MEIS1: variants seen among roughly 807,000 people sequenced by gnomAD.
MEIS1 encodes homeobox protein Meis1.
MEIS1 carries 5 observed loss-of-function variants against 50.8 expected under a neutral mutation model. The observed-to-expected ratio is 0.10, with a 90% CI of 0.05 to 0.21. The LOEUF is 0.21. Ranked by LOEUF, MEIS1 falls within the 10% of genes least tolerant of loss-of-function variation. The pLI, the probability that MEIS1 is intolerant of heterozygous loss-of-function variation, is 1.00. For synonymous variants in MEIS1, 176 were observed against 179.3 expected (o/e 0.98, Z 0.15); for missense variants, 318 against 517.3 (o/e 0.61, Z 3.74).
chr2:66,482,091 A>C (rs1348814332), intron 7 of MEIS1, among the ~76,000 whole-genome samples: 1 of 151,762 alleles, frequency 6.6e-6, no homozygotes, highest in Non-Finnish European at 1.5e-5. Flanking sequence ...CAATCTCTTG[A>C]CCTTGTGATC....
chr2:66,507,793 G>A (rs182388531), intron 7 of MEIS1, among the ~76,000 whole-genome samples: 66 of 152,304 alleles, frequency 4.3e-4, no homozygotes, highest in African/African-American at 1.6e-3. Context: ...TGAAAGGCAC[G>A]AGATAGCACA....
intron 6 of MEIS1, among the ~76,000 whole-genome samples, chr2:66,463,131 C>A (rs1235693526): frequency 2.0e-5 from 3 of 151,768 alleles, no homozygotes; most frequent in Non-Finnish European, 4.4e-5. Flanking sequence ...GAAGGGTCAG[C>A]AAACTCTACT....
At chr2:66,543,406 T>C (rs953089632) in intron 8 of MEIS1, among the ~76,000 whole-genome samples, 3 of 152,210 alleles carry the variant, frequency 2.0e-5, no homozygotes, top group African/African-American at 7.2e-5. Flanking sequence ...GTGTTGACGA[T>C]TGAAATAAGG....
chr2:66,554,413 G>C (rs887015538), intron 9 of MEIS1, among the ~76,000 whole-genome samples: 2 of 152,330 alleles, frequency 1.3e-5, no homozygotes, highest in African/African-American at 4.8e-5. Context: ...TCCCTGGAGA[G>C]GGCATAGGGA....
intron 8 of MEIS1, among the ~76,000 whole-genome samples, chr2:66,529,187 G>T (rs1403420825): frequency 3.3e-5 from 5 of 152,166 alleles, no homozygotes; most frequent in African/African-American, 1.2e-4. Context: ...GATAGGGAGT[G>T]CTTATCATAG....
At chr2:66,525,071 G>A (rs1315970537) in intron 8 of MEIS1, among the ~76,000 whole-genome samples, 1 of 151,982 alleles carries the variant, frequency 6.6e-6, no homozygotes, top group African/African-American at 2.4e-5. Context: ...AACTTAGCCT[G>A]GTGTGGCGGG....
At chr2:66,513,535 A>C (rs1673884148) in intron 8 of MEIS1, among the ~76,000 whole-genome samples, 1 of 152,060 alleles carries the variant, frequency 6.6e-6, no homozygotes, top group African/African-American at 2.4e-5. Flanking sequence ...CAAGGGTATA[A>C]ATTAATCCAG....
At chr2:66,440,355 A>G in intron 3 of MEIS1, 1 of 615,016 alleles carries the variant, frequency 1.6e-6, no homozygotes, top group Non-Finnish European at 2.9e-6. Flanking sequence ...AGTAAGATTG[A>G]GCTCTGGGCT....
At chr2:66,503,730 T>C (rs1673614051) in intron 7 of MEIS1, among the ~76,000 whole-genome samples, 1 of 146,624 alleles carries the variant, frequency 6.8e-6, no homozygotes, top group Non-Finnish European at 1.5e-5. Flanking sequence ...GTTACATATA[T>C]GGGGCATTTT....
intron 8 of MEIS1, among the ~76,000 whole-genome samples, chr2:66,540,729 T>C (rs912645538): frequency 5.9e-5 from 9 of 152,344 alleles, no homozygotes; most frequent in African/African-American, 2.2e-4. Flanking sequence ...GTTAATCCAT[T>C]TAGGAAGAGG....
chr2:66,521,083 T>C (rs1003253287), intron 8 of MEIS1, among the ~76,000 whole-genome samples: 6 of 152,256 alleles, frequency 3.9e-5, no homozygotes, highest in African/African-American at 1.4e-4. Flanking sequence ...AGAATGGTCC[T>C]TCCCTATCTG....
At chr2:66,551,320 T>A (rs536627613) in intron 9 of MEIS1, among the ~76,000 whole-genome samples, 1 of 152,216 alleles carries the variant, frequency 6.6e-6, no homozygotes, top group African/African-American at 2.4e-5. Flanking sequence ...AAGGCTAAAG[T>A]ACATGGGATT....
intron 6 of MEIS1, among the ~76,000 whole-genome samples, chr2:66,451,962 C>T (rs1282093016): frequency 1.3e-5 from 2 of 151,866 alleles, no homozygotes; most frequent in South Asian, 2.1e-4. Flanking sequence ...TACAGAAACT[C>T]GTATATGACA....
rs569679867 is a variant in MEIS1, at chr2:66,452,874, C to T, written c.630+9826C>T. Among the ~76,000 whole-genome samples, 12 of 151,932 alleles carry T rather than the reference C, an allele frequency of 7.9e-5. No individual in the cohort carries two copies. The East Asian group carries it at 1.2e-3, about 15-fold the overall frequency. ...GAAAAACATCTGAGTTATTATGTCCCGTACTTCTTTGCACAAAATAACAGA... is the reference window on the plus strand; with the variant it reads ...GAAAAACATCTGAGTTATTATGTCCTGTACTTCTTTGCACAAAATAACAGA... On this transcript the variant is annotated intron_variant, in intron 6 of 12. Coordinates refer to ENST00000272369, the MANE Select transcript of MEIS1 (RefSeq NM_002398.3).
chr2:66,462,252 C>T (rs531237908), intron 6 of MEIS1, among the ~76,000 whole-genome samples: 9 of 152,222 alleles, frequency 5.9e-5, no homozygotes, highest in East Asian at 1.9e-4. Flanking sequence ...AGCTTGTTAT[C>T]GCTAGCTTTT....
In MEIS1 at chr2:66,507,637, A is replaced by C. The variant is rs1673714632; in HGVS notation, c.743-4512A>C. Among the ~76,000 whole-genome samples the C allele has an allele frequency of 2.0e-5, 3 of 152,214 alleles. No homozygotes were observed. The South Asian group carries it at 6.2e-4, about 31-fold the overall frequency. On this transcript the variant is annotated intron_variant, in intron 7 of 12. Transcript: ENST00000272369. ...CTTCACTCTGAGTAGGTTTAGGGGA[A>C]CAGCAGTCCTGAGAGGACAGGAGTT...
chr2:66,471,718 C>A (rs1177452878), intron 7 of MEIS1, among the ~76,000 whole-genome samples: 2 of 152,170 alleles, frequency 1.3e-5, no homozygotes, highest in Non-Finnish European at 1.5e-5. Flanking sequence ...AAAGTATCTT[C>A]TTTTCAGTTT....
intron 7 of MEIS1, among the ~76,000 whole-genome samples, chr2:66,476,552 T>C (rs2103774214): frequency 6.6e-6 from 1 of 152,300 alleles, no homozygotes; most frequent in African/African-American, 2.4e-5. Context: ...GACAGTTTAG[T>C]ATATCATAGG....
chr2:66,439,425 A>G (rs1671892586), intron 2 of MEIS1: 1 of 1,297,588 alleles, frequency 7.7e-7, no homozygotes, highest in Non-Finnish European at 9.7e-7. Flanking sequence ...CCTAGGAGGA[A>G]CCCGCAGGAA....
Sources: allele counts gnomAD v4.1 joint callset (sites outside exome capture counted in the v4.1 genomes callset), GRCh38; gene constraint gnomAD v4.1.1; transcripts MANE v1.5; gene names NCBI Gene and HGNC (gene_info 2026-07-23, HGNC 2026-07-21).